The following ZBTB24 variants were observed in gnomAD, a reference collection of about 807,000 sequenced individuals.
ZBTB24 encodes zinc finger and BTB domain containing 24.
A neutral mutation model predicts 53.8 loss-of-function variants in ZBTB24; 32 were observed. That is an observed-to-expected ratio of 0.60 (90% CI 0.45 to 0.80). The LOEUF (loss-of-function observed/expected upper bound fraction) is 0.80, where lower values mean the gene tolerates loss of function less well. Ranked by LOEUF, ZBTB24 falls within the 30% of genes least tolerant of loss-of-function variation. The probability of loss-of-function intolerance (pLI) is 0.00; values close to 1 mark genes in which losing one functional copy is unlikely to be tolerated. For missense variants in ZBTB24, 722 were observed against 837.1 expected (o/e 0.86, Z 1.70); for synonymous variants, 297 against 306.7 (o/e 0.97, Z 0.33).
At position 109,483,081 on chromosome 6, in the gene ZBTB24, G is replaced by C. The variant is rs1304116433; in HGVS notation, c.-29+17C>G. 6.6e-6 allele frequency: 1 copy of C among 152,124 alleles called. No homozygotes were observed. Among genetic ancestry groups the C allele is most frequent in the Admixed American group, 6.5e-5 (1 of 15,272 alleles). The allele number at this position is 152,124 out of a possible 1,614,324, so 9.4% of individuals were successfully genotyped here. A position where few individuals can be genotyped will look rare whatever the true frequency, so the allele number is the denominator to read the frequency against. ...GCTCAGGGGCGCCCGGTGGGGTCCG[G>C]GTCGCTGCCAACTCACCCGGCGGCC... On this transcript the variant is annotated intron_variant, in intron 1 of 6. Coordinates refer to ENST00000230122, the MANE Select transcript of ZBTB24 (RefSeq NM_014797.3).
chr6:109,468,937 A>AG (rs1435073959), intron 5 of ZBTB24, among the ~76,000 whole-genome samples: 1 of 151,974 alleles, frequency 6.6e-6, no homozygotes, highest in Non-Finnish European at 1.5e-5. Context: ...AAAAAGAAAA[A>AG]AAAAAAAAAA....
chr6:109,471,574 C>A (rs1308419188), intron 5 of ZBTB24, among the ~76,000 whole-genome samples: 1 of 152,170 alleles, frequency 6.6e-6, no homozygotes, highest in Non-Finnish European at 1.5e-5. Context: ...TTATGGAACA[C>A]CATCCAGGAA....
Position 109,466,591 on chromosome 6 carries a change from A to T in ZBTB24, c.1371-17T>A. On this transcript the variant is annotated splice_polypyrimidine_tract_variant and intron_variant, in intron 6 of 6. Coordinates refer to ENST00000230122, the MANE Select transcript of ZBTB24 (RefSeq NM_014797.3). ...TTTTCTCCTCTGTAAGAAAATAAAC[A>T]TTTTATTTTTAAAATGGAAATACCT... 6.2e-7 allele frequency: 1 copy of T among 1,605,076 alleles called. No individual in the cohort carries two copies.
intron 5 of ZBTB24, among the ~76,000 whole-genome samples, chr6:109,472,683 G>A (rs185323420): frequency 1.3e-5 from 2 of 152,158 alleles, no homozygotes; most frequent in East Asian, 1.9e-4. Flanking sequence ...TCTCTCCCCC[G>A]AATTCTCCAG....
chr6:109,466,686 A>G (rs769123888), intron 6 of ZBTB24, 112 bp from the exon 7 acceptor site: 17 of 1,401,876 alleles, frequency 1.2e-5, no homozygotes, highest in Admixed American at 4.0e-5. Flanking sequence ...ACTGCAAGTC[A>G]TAAGTCATGG....
intron 5 of ZBTB24, among the ~76,000 whole-genome samples, chr6:109,471,518 A>C (rs1461800217): frequency 1.3e-5 from 2 of 152,248 alleles, no homozygotes; most frequent in Non-Finnish European, 2.9e-5. Context: ...GTTCCCTGAC[A>C]GGGCCATCTA....
chr6:109,473,121 C>T (rs1454666959), intron 5 of ZBTB24, among the ~76,000 whole-genome samples: 1 of 152,156 alleles, frequency 6.6e-6, no homozygotes, highest in Non-Finnish European at 1.5e-5. Flanking sequence ...TACTTCAGCC[C>T]GAGTGCACCC....
At chr6:109,478,807 A>G (rs528236122) in intron 2 of ZBTB24, among the ~76,000 whole-genome samples, 44 of 149,590 alleles carry the variant, frequency 2.9e-4, no homozygotes, top group Non-Finnish European at 4.9e-4. Context: ...AGCCTTTTGT[A>G]ATAGTGACAG....
intron 5 of ZBTB24, among the ~76,000 whole-genome samples, chr6:109,468,411 C>T (rs141686808): frequency 2.0e-5 from 3 of 151,894 alleles, no homozygotes; most frequent in African/African-American, 7.2e-5. Context: ...AGATCTGTAC[C>T]CCATAAACCC....
At chr6:109,472,568 C>G (rs1776188870) in intron 5 of ZBTB24, among the ~76,000 whole-genome samples, 1 of 152,152 alleles carries the variant, frequency 6.6e-6, no homozygotes, top group African/African-American at 2.4e-5. Context: ...ACCAAGCCAG[C>G]TCCACGCTCC....
chr6:109,472,248 T>C (rs972533398), intron 5 of ZBTB24, among the ~76,000 whole-genome samples: 3 of 152,140 alleles, frequency 2.0e-5, no homozygotes, highest in African/African-American at 2.4e-5. Context: ...AGATGGGTCA[T>C]AGTTGCTGCT....
Position 109,466,290 on chromosome 6 carries a change from A to T in ZBTB24, c.1655T>A (p.Ile552Asn). The change falls in exon 7 of 7, where the codon ATT becomes AAT. Residue 552 changes from isoleucine to asparagine, a missense_variant. Transcript: ENST00000230122. ...YQLSTSGEQE[I>N]QLLVTDSVHN... is the part of the protein sequence containing the mutation. ...TACAGAATCGGTTACGAGAAGCTGAATTTCCTGCTCTCCCGAGGTAGAGAG... is the reference window on the plus strand; with the variant it reads ...TACAGAATCGGTTACGAGAAGCTGATTTTCCTGCTCTCCCGAGGTAGAGAG... The T allele has an allele frequency of 6.2e-7, 1 of 1,614,226 alleles. No homozygotes were observed. The highest frequency in any genetic ancestry group is 8.5e-7 in the Non-Finnish European group (1 of 1,180,042).
chr6:109,467,779 C>T (rs1776080839), intron 5 of ZBTB24, 45 bp from the exon 6 acceptor site: 6 of 1,596,336 alleles, frequency 3.8e-6, no homozygotes, highest in Non-Finnish European at 5.1e-6. Flanking sequence ...AACAAAAAAA[C>T]ATTTAACAAT....
intron 2 of ZBTB24, among the ~76,000 whole-genome samples, chr6:109,479,785 GT>G (rs1431564340): frequency 6.6e-6 from 1 of 151,772 alleles, no homozygotes; most frequent in Non-Finnish European, 1.5e-5. Context: ...GCGTGGTGGC[GT>G]GTGCCTGTAA....
rs1231270674 is a variant in ZBTB24, at chr6:109,465,296, A to T, written c.*555T>A. 3.9e-6 allele frequency: 1 copy of T among 253,288 alleles called. No individual in the cohort carries two copies. Among genetic ancestry groups the T allele is most frequent in the Non-Finnish European group, 7.6e-6 (1 of 131,164 alleles). 15.7% of individuals were successfully genotyped at this position (253,288 alleles called of 1,614,324 possible). ...AAGCCCACTGTACTGCATAAAGATAAAACGTTGAGGGTTACTTTGTCTTAG... is the reference window on the plus strand; with the variant it reads ...AAGCCCACTGTACTGCATAAAGATATAACGTTGAGGGTTACTTTGTCTTAG... On this transcript the variant is annotated 3_prime_UTR_variant, in exon 7 of 7. Transcript: ENST00000230122.
At chr6:109,482,413 C>G (rs541931996) in intron 1 of ZBTB24, among the ~76,000 whole-genome samples, 1 of 152,088 alleles carries the variant, frequency 6.6e-6, no homozygotes, top group South Asian at 2.1e-4. Context: ...TTGCCGTGAG[C>G]CGTGATCGTG....
At chr6:109,474,692 C>T (rs1776242441) in intron 5 of ZBTB24, among the ~76,000 whole-genome samples, 1 of 151,458 alleles carries the variant, frequency 6.6e-6, no homozygotes. Context: ...CAAGATCGTG[C>T]CACTGCACTG....
At position 109,476,966 on chromosome 6, in the gene ZBTB24, G is replaced by A. The variant is rs765506113; in HGVS notation, c.953-36C>T. On this transcript the variant is annotated intron_variant, in intron 2 of 6. Coordinates refer to ENST00000230122, the MANE Select transcript of ZBTB24 (RefSeq NM_014797.3). The stretch of plus-strand genomic sequence containing the variant: ...AGCCCCAGAAGCATGGTATAAGTAA[G>A]AATCCACACATTTTTCTGTCTCTCC... The A allele has an allele frequency of 8.1e-6, 13 of 1,608,330 alleles. No individual in the cohort carries two copies. In the South Asian group the frequency reaches 1.4e-4, roughly 18 times the overall value.
At chr6:109,472,475 C>A (rs1201385865) in intron 5 of ZBTB24, among the ~76,000 whole-genome samples, 1 of 152,186 alleles carries the variant, frequency 6.6e-6, no homozygotes, top group Non-Finnish European at 1.5e-5. Context: ...TACTGCTACT[C>A]ACAAAGCCCA....
Sources: gnomAD v4.1 joint callset for allele counts (sites outside exome capture counted in the v4.1 genomes callset) on GRCh38, gnomAD v4.1.1 for gene constraint, MANE v1.5 for transcripts, NCBI Gene and HGNC (gene_info 2026-07-23, HGNC 2026-07-21) for gene names.